PSD3: variants seen among roughly 807,000 people sequenced by gnomAD.
The protein encoded by PSD3 is pleckstrin and Sec7 domain containing 3.
A neutral mutation model predicts 105.5 loss-of-function variants in PSD3; 49 were observed. The ratio of observed to expected loss-of-function variants is 0.46; its 90% CI spans 0.37 to 0.59. PSD3 has a LOEUF of 0.59. PSD3 is among the 20% of genes least tolerant of loss of function. PSD3 has a pLI of 0.00. For missense variants in PSD3, 1,561 were observed against 1,263.8 expected (o/e 1.24, Z -3.57); for synonymous variants, 557 against 457.8 (o/e 1.22, Z -2.77).
In PSD3 at chr8:18,937,226, T is replaced by A. The variant is rs1053363225; in HGVS notation, c.22-1084A>T. On this transcript the variant is annotated intron_variant, in intron 1 of 15. Coordinates refer to ENST00000327040, the MANE Select transcript of PSD3 (RefSeq NM_015310.4). ...TTTCAAGACACAAAGAAATTTGACC[T>A]AGCACAGTCAGGGACGCCTTCTTTT... 5.9e-5 allele frequency among the ~76,000 whole-genome samples: 9 copies of A among 152,166 alleles called. No homozygotes were observed. In the East Asian group the frequency reaches 1.3e-3, roughly 23 times the overall value.
At chr8:18,719,553 G>A (rs77688486) in intron 9 of PSD3, among the ~76,000 whole-genome samples, 5,359 of 152,102 alleles carry the variant, frequency 0.035, 285 homozygotes, top group African/African-American at 0.12. Flanking sequence ...ACTTGAACAA[G>A]ACTTTAAAAA....
intron 4 of PSD3, among the ~76,000 whole-genome samples, chr8:18,819,295 G>A (rs143080877): frequency 6.6e-6 from 1 of 152,208 alleles, no homozygotes; most frequent in African/African-American, 2.4e-5. Flanking sequence ...CTAAAGGAGA[G>A]GATAAAGTAA....
chr8:18,574,131 CCATACA>C (rs1367367622), intron 13 of PSD3, among the ~76,000 whole-genome samples: 1 of 152,004 alleles, frequency 6.6e-6, no homozygotes, highest in Non-Finnish European at 1.5e-5. Context: ...AGATTATCTA[CCATACA>C]CATAATCAAT....
At chr8:18,605,944 T>C (rs1321185473) in intron 11 of PSD3, among the ~76,000 whole-genome samples, 1 of 152,174 alleles carries the variant, frequency 6.6e-6, no homozygotes, top group African/African-American at 2.4e-5. Context: ...GCATCATGTT[T>C]CCTGTATAGC....
rs1465449411 is a variant in PSD3 at position 18,872,109 on chromosome 8, G to A, written c.755C>T (p.Ser252Phe). 2 of 1,614,096 alleles carry A rather than the reference G, an allele frequency of 1.2e-6. No homozygotes were observed. The highest frequency in any genetic ancestry group is 8.5e-7 in the Non-Finnish European group (1 of 1,180,018). ...CVQEPSCPLA[S>F]LGSSAVTCHS... ...GCAGGTCACTGCTGAGCTCCCGAGG[G>A]AGGCCAAAGGACAAGATGGCTCCTG... The change falls in exon 3 of 16, where the codon TCC becomes TTC. Residue 252 changes from serine (S) to phenylalanine (F), a missense_variant. Ser to Phe is a radical substitution (Grantham distance 155, BLOSUM62 -2). Coordinates refer to ENST00000327040, the MANE Select transcript of PSD3 (RefSeq NM_015310.4).
chr8:18,772,615 T>C (rs1183031149), intron 8 of PSD3, among the ~76,000 whole-genome samples: 3 of 152,122 alleles, frequency 2.0e-5, no homozygotes, highest in Non-Finnish European at 4.4e-5. Flanking sequence ...TTCAAGTGTT[T>C]CTCCTGACTC....
intron 10 of PSD3, among the ~76,000 whole-genome samples, chr8:18,646,625 G>GAAAA (rs1808056933): frequency 2.6e-5 from 4 of 151,884 alleles, no homozygotes; most frequent in Admixed American, 2.6e-4. Flanking sequence ...AATGAAAGGC[G>GAAAA]ACAAATTATA....
At chr8:18,609,346 A>G (rs1419703476) in intron 11 of PSD3, among the ~76,000 whole-genome samples, 1 of 152,204 alleles carries the variant, frequency 6.6e-6, no homozygotes, top group African/African-American at 2.4e-5. Context: ...AAATATCTTG[A>G]ATTTCCTGAG....
chr8:18,718,414 A>G (rs1344828937), intron 9 of PSD3, among the ~76,000 whole-genome samples: 3 of 152,196 alleles, frequency 2.0e-5, no homozygotes, highest in Non-Finnish European at 2.9e-5. Context: ...TTGTTCTTGC[A>G]GTGAAGTAGG....
intron 1 of PSD3, among the ~76,000 whole-genome samples, chr8:18,944,718 T>G (rs1822755305): frequency 6.6e-6 from 1 of 152,194 alleles, no homozygotes; most frequent in Admixed American, 6.5e-5. Context: ...CACACCAAAC[T>G]TTCAATTTAT....
intron 4 of PSD3, among the ~76,000 whole-genome samples, chr8:18,818,686 C>G (rs1470757904): frequency 7.2e-5 from 11 of 152,080 alleles, no homozygotes; most frequent in African/African-American, 2.7e-4. Flanking sequence ...TCTCCATACC[C>G]CCCCCAACAA....
chr8:19,042,727 A>G (rs1828165145), intron 1 of PSD3, among the ~76,000 whole-genome samples: 2 of 152,248 alleles, frequency 1.3e-5, no homozygotes, highest in African/African-American at 4.8e-5. Context: ...ATACAATGCT[A>G]TTGAGCACAG....
intron 12 of PSD3, among the ~76,000 whole-genome samples, chr8:18,579,530 A>G (rs1802675997): frequency 1.3e-5 from 2 of 152,152 alleles, no homozygotes; most frequent in African/African-American, 4.8e-5. Flanking sequence ...TCATTAGAGC[A>G]CTCCACCATC....
rs556166466 is a variant in PSD3 at position 18,768,656 on chromosome 8, T to C, written c.2083-3118A>G. Among the ~76,000 whole-genome samples, 35 of 152,236 alleles carry C rather than the reference T, an allele frequency of 2.3e-4. 1 individual carries two copies. In the South Asian group the frequency reaches 5.2e-3, roughly 23 times the overall value. On this transcript the variant is annotated intron_variant, in intron 8 of 15. Transcript: ENST00000327040. The stretch of plus-strand genomic sequence containing the variant: ...ACACAACCTCAAATTCAAAGACAGA[T>C]TTGCCTGAGAACATACACCTGTGTG...
At chr8:18,752,500 T>TTG (rs1805587142) in intron 9 of PSD3, among the ~76,000 whole-genome samples, 1 of 21,004 alleles carries the variant, frequency 4.8e-5, no homozygotes, top group African/African-American at 9.1e-5. Context: ...ATAATATATA[T>TTG]AATATATATA....
At chr8:18,852,466 G>C (rs577797400) in intron 4 of PSD3, among the ~76,000 whole-genome samples, 2 of 152,222 alleles carry the variant, frequency 1.3e-5, no homozygotes, top group Non-Finnish European at 2.9e-5. Flanking sequence ...GTCCTTTCTT[G>C]AGTGGGTCAC....
intron 1 of PSD3, among the ~76,000 whole-genome samples, chr8:19,045,233 A>G (rs1014241781): frequency 1.1e-4 from 17 of 152,104 alleles, no homozygotes; most frequent in African/African-American, 3.4e-4. Context: ...AAAGAAAAGT[A>G]AAAAAGTAAT....
At position 18,536,591 on chromosome 8, in the gene PSD3, T is replaced by C. The variant is rs1322821044; in HGVS notation, c.2929-633A>G. The stretch of plus-strand genomic sequence containing the variant: ...TATGAACAGGTGCTGCTATGAACAG[T>C]ATGAAGCTGGCAGAATTTCAAGTTA... On this transcript the variant is annotated intron_variant, in intron 15 of 15. Transcript: ENST00000327040. Among the ~76,000 whole-genome samples the C allele has an allele frequency of 2.6e-5, 4 of 152,206 alleles. No individual in the cohort carries two copies. The East Asian group carries it at 5.8e-4, about 22-fold the overall frequency.
intron 1 of PSD3, among the ~76,000 whole-genome samples, chr8:18,945,781 G>C (rs1822818403): frequency 6.6e-6 from 1 of 152,152 alleles, no homozygotes; most frequent in Non-Finnish European, 1.5e-5. Flanking sequence ...TTTGAGACCA[G>C]CCTGGTCAAC....
Sources: allele counts gnomAD v4.1 joint callset (sites outside exome capture counted in the v4.1 genomes callset), GRCh38; gene constraint gnomAD v4.1.1; transcripts MANE v1.5; gene names NCBI Gene and HGNC (gene_info 2026-07-23, HGNC 2026-07-21).